ZC3H13: variants seen among roughly 807,000 people sequenced by gnomAD.
The protein encoded by ZC3H13 is zinc finger CCCH-type containing 13, also known as zinc finger CCCH domain-containing protein 13.
In ZC3H13, 64 loss-of-function variants were observed where a neutral mutation model predicts 204.1. The observed-to-expected ratio is 0.31, with a 90% CI of 0.26 to 0.39. The LOEUF is 0.39. ZC3H13 is among the 10% of genes least tolerant of loss of function. The pLI, the probability that ZC3H13 is intolerant of heterozygous loss-of-function variation, is 1.00. For synonymous variants in ZC3H13, 667 were observed against 693.7 expected (o/e 0.96, Z 0.60); for missense variants, 1,833 against 2,082.7 (o/e 0.88, Z 2.33).
At chr13:45,985,861 G>T in intron 9 of ZC3H13, 100 bp from the exon 10 acceptor site, 1 of 1,081,646 alleles carries the variant, frequency 9.2e-7, no homozygotes, top group Non-Finnish European at 1.3e-6. Flanking sequence ...TTATTATAAT[G>T]ACAATTCGTG....
At chr13:46,051,789 A>G (rs1462849148) in intron 1 of ZC3H13, 1 of 152,224 alleles carries the variant, frequency 6.6e-6, no homozygotes, top group Non-Finnish European at 1.5e-5. Flanking sequence ...TCTTACCAAC[A>G]TAATTCAAGT....
chr13:45,969,024 T>A lies in ZC3H13; in HGVS notation c.3520A>T (p.Thr1174Ser). Residue 1174 changes from threonine to serine, a missense_variant, in exon 14 of 19, where the codon ACT becomes TCT. By Grantham distance (58) the Thr-to-Ser change is moderately conservative. This residue lies in a region of ZC3H13 where 1,574 missense variants were observed against 1,757.2 expected (regional missense o/e 0.90). Transcript: ENST00000679008. ...TTGCGATGCTGTGCATCTTCTATAG[T>A]CACGTGAGGCGTCTCTACTTTTTCT... ...RVEKVETPHV[T>S]IEDAQHRKPM... is the part of the protein sequence containing the mutation. 6.2e-7 allele frequency: 1 copy of A among 1,614,234 alleles called. No homozygotes were observed. Among genetic ancestry groups the A allele is most frequent in the Non-Finnish European group, 8.5e-7 (1 of 1,180,030 alleles).
chr13:45,981,846 C>T (rs1953646934), intron 10 of ZC3H13, among the ~76,000 whole-genome samples: 1 of 139,460 alleles, frequency 7.2e-6, no homozygotes, highest in Non-Finnish European at 1.5e-5. Flanking sequence ...GGAAGGGGAA[C>T]ATCACACTCT....
chr13:45,981,116 T>C (rs1321765567), intron 10 of ZC3H13, among the ~76,000 whole-genome samples: 1 of 152,150 alleles, frequency 6.6e-6, no homozygotes, highest in Non-Finnish European at 1.5e-5. Context: ...CAGTGAGGGT[T>C]AGGAGTAGAG....
At chr13:46,023,598 A>G (rs1345335458) in intron 4 of ZC3H13, among the ~76,000 whole-genome samples, 2 of 152,206 alleles carry the variant, frequency 1.3e-5, no homozygotes, top group African/African-American at 4.8e-5. Flanking sequence ...AATTGAAATT[A>G]TACTTGTATT....
intron 12 of ZC3H13, among the ~76,000 whole-genome samples, chr13:45,972,503 CT>C (rs553968600): frequency 1.1e-4 from 17 of 152,208 alleles, no homozygotes; most frequent in African/African-American, 3.9e-4. Flanking sequence ...ATGTGGACTA[CT>C]CAGGTGACAG....
chr13:46,016,960 G>T (rs1048088075), intron 5 of ZC3H13, among the ~76,000 whole-genome samples: 1 of 152,104 alleles, frequency 6.6e-6, no homozygotes, highest in Non-Finnish European at 1.5e-5. Context: ...GGTAATGCCT[G>T]GGTGGAGGGA....
At chr13:46,045,931 A>G (rs1466531652) in intron 1 of ZC3H13, among the ~76,000 whole-genome samples, 1 of 152,256 alleles carries the variant, frequency 6.6e-6, no homozygotes, top group African/African-American at 2.4e-5. Flanking sequence ...AAAAAGAGTT[A>G]TGCTAAAGAA....
chr13:45,959,920 AG>A (rs1219471074), intron 17 of ZC3H13, among the ~76,000 whole-genome samples: 11 of 151,364 alleles, frequency 7.3e-5, no homozygotes, highest in African/African-American at 1.2e-4. Flanking sequence ...GGTAGAGCCC[AG>A]GGAATTTTTT....
In ZC3H13 at chr13:45,982,854, G is replaced by T. The variant is rs79798378; in HGVS notation, c.1720+2443C>A. ...AAGTTTTAGATTTTGGAGCATTTCA[G>T]ATTAGGGATGCTCAACCTGAACCTG... On this transcript the variant is annotated intron_variant, in intron 10 of 18. Transcript: ENST00000679008. Among the ~76,000 whole-genome samples, 4 of 152,132 alleles carry T rather than the reference G, an allele frequency of 2.6e-5. No individual in the cohort carries two copies. In the South Asian group the frequency reaches 8.3e-4, roughly 32 times the overall value.
intron 8 of ZC3H13, among the ~76,000 whole-genome samples, chr13:45,992,897 T>C (rs867122659): frequency 2.6e-5 from 4 of 152,192 alleles, no homozygotes; most frequent in Non-Finnish European, 5.9e-5. Context: ...GGCAGCTTTC[T>C]ACCTCTCACG....
At chr13:46,048,252 C>T (rs1030385110) in intron 1 of ZC3H13, among the ~76,000 whole-genome samples, 1 of 152,198 alleles carries the variant, frequency 6.6e-6, no homozygotes, top group African/African-American at 2.4e-5. Flanking sequence ...GGTCTGAGAG[C>T]TTCTCTCCAA....
intron 8 of ZC3H13, among the ~76,000 whole-genome samples, chr13:45,989,624 T>C (rs1239335539): frequency 6.6e-6 from 1 of 152,316 alleles, no homozygotes; most frequent in Non-Finnish European, 1.5e-5. Flanking sequence ...AAGGAAAGGA[T>C]AACAAAATAT....
chr13:45,978,730 AAAAAAAGG>A (rs1953284479), intron 11 of ZC3H13, among the ~76,000 whole-genome samples: 1 of 151,998 alleles, frequency 6.6e-6, no homozygotes, highest in African/African-American at 2.4e-5. Flanking sequence ...ATGAAAATAG[AAAAAAAGG>A]AAAAAAGAAA....
At chr13:45,966,754 A>AG (rs1239683751) in intron 15 of ZC3H13, among the ~76,000 whole-genome samples, 1 of 152,248 alleles carries the variant, frequency 6.6e-6, no homozygotes, top group African/African-American at 2.4e-5. Context: ...TGAAACAGTA[A>AG]GTGCCTCGAG....
intron 4 of ZC3H13, among the ~76,000 whole-genome samples, chr13:46,037,648 C>T (rs1175460681): frequency 1.9e-5 from 2 of 105,592 alleles, no homozygotes; most frequent in African/African-American, 4.2e-5. Context: ...ATAAGCCTCT[C>T]ACTTTTCAGT....
chr13:46,052,735 A>C lies in ZC3H13; in HGVS notation c.-341T>G, dbSNP rs2044577685. The C allele has an allele frequency of 5.0e-6, 2 of 397,568 alleles. No individual in the cohort carries two copies. Among genetic ancestry groups the C allele is most frequent in the African/African-American group, 2.1e-5 (1 of 48,634 alleles). 24.6% of individuals were successfully genotyped at this position (397,568 alleles called of 1,614,324 possible). A position where few individuals can be genotyped will look rare whatever the true frequency, so the allele number is the denominator to read the frequency against. ...AGGACCGCCTCAAAATGCCGCCGGA[A>C]GTCAGAGGTTTGCCCTGTTCCTCTG... On this transcript the variant is annotated 5_prime_UTR_variant, in exon 1 of 19. Coordinates refer to ENST00000679008, the MANE Select transcript of ZC3H13 (RefSeq NM_001330564.2).
At chr13:45,985,828 T>G in intron 9 of ZC3H13, 67 bp from the exon 10 acceptor site, 1 of 1,380,002 alleles carries the variant, frequency 7.2e-7, no homozygotes. Flanking sequence ...AGAAAACATA[T>G]TTAATACAGA....
chr13:45,980,742 G>T (rs950575266), intron 10 of ZC3H13, among the ~76,000 whole-genome samples: 1 of 152,190 alleles, frequency 6.6e-6, no homozygotes, highest in Non-Finnish European at 1.5e-5. Flanking sequence ...GGTTGCCAGG[G>T]GTTGGGGCCA....
Sources: allele counts gnomAD v4.1 joint callset (sites outside exome capture counted in the v4.1 genomes callset), GRCh38; gene constraint gnomAD v4.1.1; regional missense constraint gnomAD v4.1.1; transcripts MANE v1.5; gene names NCBI Gene and HGNC (gene_info 2026-07-23, HGNC 2026-07-21).